Variants in EVC2 observed in about 807,000 individuals in gnomAD.
EVC2 encodes the protein limbin.
A neutral mutation model predicts 149.3 loss-of-function variants in EVC2; 148 were observed. The ratio of observed to expected loss-of-function variants is 0.99; its 90% CI spans 0.87 to 1.14. EVC2 has a LOEUF of 1.14. Ranked by LOEUF, EVC2 falls within the 50% of genes most tolerant of loss-of-function variation. EVC2 has a pLI of 0.00. For missense variants in EVC2, 1,854 were observed against 1,627.3 expected, an observed-to-expected ratio of 1.14 and a Z score of -2.40; for synonymous variants, 776 against 649.9, an observed-to-expected ratio of 1.19 and a Z score of -2.95.
chr4:5,621,569 G>T (rs1234221044), intron 14 of EVC2, among the ~76,000 whole-genome samples: 1 of 152,210 alleles, frequency 6.6e-6, no homozygotes, highest in African/African-American at 2.4e-5. Context: ...ACCACCAAAA[G>T]CTCTGTTGGT....
downstream of EVC2, among the ~76,000 whole-genome samples, chr4:5,538,063 G>GAAAAAAAA (rs34937866): frequency 8.9e-6 from 1 of 112,330 alleles, no homozygotes. Flanking sequence ...GAAAGAAATA[G>GAAAAAAAA]AAAAAAAAAA....
In EVC2 at chr4:5,640,252, T is replaced by C. The variant is rs1419032729; in HGVS notation, c.1470+262A>G. On this transcript the variant is annotated intron_variant, in intron 10 of 21. Transcript: ENST00000344408. This position sits in a 1 kb window ranked among gnomAD's most constrained non-coding sequence, Gnocchi z 4.6. ...GTGAATGAGTGGGTGGATGAATGGA[T>C]AGGTGCACAGATGATTGGATGAGTG... is the stretch of plus-strand genomic sequence containing the variant. Among the ~76,000 whole-genome samples, 1 of 151,796 alleles carries C rather than the reference T, an allele frequency of 6.6e-6. No homozygotes were observed. Among genetic ancestry groups the C allele is most frequent in the African/African-American group, 2.4e-5 (1 of 41,296 alleles).
At chr4:5,639,196 C>T (rs1477848114) in intron 10 of EVC2, among the ~76,000 whole-genome samples, 2 of 152,262 alleles carry the variant, frequency 1.3e-5, no homozygotes, top group Admixed American at 6.5e-5. Context: ...CCATAGATGG[C>T]CACAGTCTGC....
At chr4:5,533,820 A>T in the EVC2 span, among the ~76,000 whole-genome samples, 2 of 152,234 alleles carry the variant, frequency 1.3e-5, no homozygotes, top group East Asian at 3.9e-4. Context: ...ATCTGAGCTG[A>T]AACCCAAATG....
At chr4:5,675,902 C>G (rs1719953945) in intron 7 of EVC2, among the ~76,000 whole-genome samples, 1 of 152,218 alleles carries the variant, frequency 6.6e-6, no homozygotes, top group Non-Finnish European at 1.5e-5. Flanking sequence ...CGAGATCGCG[C>G]CATTGCACTT....
chr4:5,618,475 T>C lies in EVC2; in HGVS notation c.2706+3A>G, dbSNP rs1715433708. On this transcript the variant is annotated splice_donor_region_variant and intron_variant, in intron 15 of 21. Transcript: ENST00000344408. This position sits in a 1 kb window ranked among gnomAD's most constrained non-coding sequence, Gnocchi z 4.4. Reference sequence around the variant, plus strand: ...TAATCGGCCACTGACAGGTCCATCCTACCTGCAGCTCAGGGGCAGCCACGG... The same window carrying C: ...TAATCGGCCACTGACAGGTCCATCCCACCTGCAGCTCAGGGGCAGCCACGG... 3 of 1,612,682 alleles carry C rather than the reference T, an allele frequency of 1.9e-6. No homozygotes were observed. Among genetic ancestry groups the C allele is most frequent in the Non-Finnish European group, 1.7e-6 (2 of 1,180,014 alleles).
At chr4:5,703,409 G>A (rs564908001) in intron 1 of EVC2, among the ~76,000 whole-genome samples, 63 of 152,296 alleles carry the variant, frequency 4.1e-4, no homozygotes, top group Non-Finnish European at 7.9e-4. Flanking sequence ...ACTCAGGCAC[G>A]TTGAGTGCTA....
chr4:5,552,836 T>C (rs1200233686), intron 21 of EVC2, among the ~76,000 whole-genome samples: 5 of 152,112 alleles, frequency 3.3e-5, no homozygotes, highest in African/African-American at 7.2e-5. Context: ...GAACACTAGA[T>C]AGCAACAGAA....
chr4:5,580,677 A>C (rs929153786), intron 17 of EVC2, among the ~76,000 whole-genome samples: 1 of 152,198 alleles, frequency 6.6e-6, no homozygotes, highest in Non-Finnish European at 1.5e-5. Context: ...CCTCCACGCT[A>C]ATCACCTCCA....
Position 5,626,024 on chromosome 4 carries a change from T to C in EVC2, c.1887-116A>G, listed in dbSNP as rs143922023. ...AGTTTGGTTTGAATCAGAAAATCTT[T>C]ACCCTCCAGAAGAATTACAAGAATG... is the stretch of plus-strand genomic sequence containing the variant. On this transcript the variant is annotated intron_variant, in intron 12 of 21. Transcript: ENST00000344408. The C allele has an allele frequency of 8.6e-4, 1,102 of 1,276,020 alleles. 17 individuals carry two copies. In the East Asian group the frequency reaches 0.022, roughly 26 times the overall value. 79.0% of individuals were successfully genotyped at this position (1,276,020 alleles called of 1,614,324 possible). A position where few individuals can be genotyped will look rare whatever the true frequency, so the allele number is the denominator to read the frequency against.
intron 9 of EVC2, among the ~76,000 whole-genome samples, chr4:5,653,046 AC>A (rs1001967299): frequency 6.6e-6 from 1 of 151,968 alleles, no homozygotes; most frequent in African/African-American, 2.4e-5. Flanking sequence ...GTTGCCAGCA[AC>A]CCTTGGTGTT....
upstream of EVC2, chr4:5,708,696 A>G: frequency 2.1e-6 from 1 of 476,158 alleles, no homozygotes; most frequent in Non-Finnish European, 3.6e-6. Flanking sequence ...TGGGAGGGGG[A>G]GAGCGAGTTG....
rs1157580992 is a variant in EVC2 at position 5,569,666 on chromosome 4, C to G, written c.3361-1026G>C. Reference sequence around the variant, plus strand: ...AGGGGCAGGCAGGGGTGGGAGGGAACAAGTCCAGGTGCCGGAAGCCAAGGA... The same window carrying G: ...AGGGGCAGGCAGGGGTGGGAGGGAAGAAGTCCAGGTGCCGGAAGCCAAGGA... On this transcript the variant is annotated intron_variant, in intron 19 of 21. Coordinates refer to ENST00000344408, the MANE Select transcript of EVC2 (RefSeq NM_147127.5). This position sits in a 1 kb window ranked among gnomAD's most constrained non-coding sequence, Gnocchi z 4.8. 6.6e-6 allele frequency among the ~76,000 whole-genome samples: 1 copy of G among 151,948 alleles called. No homozygotes were observed. Among genetic ancestry groups the G allele is most frequent in the African/African-American group, 2.4e-5 (1 of 41,362 alleles).
At chr4:5,687,887 C>T (rs796307324) in intron 5 of EVC2, among the ~76,000 whole-genome samples, 8 of 152,212 alleles carry the variant, frequency 5.3e-5, no homozygotes, top group South Asian at 4.1e-4. Context: ...TCTATCTCTA[C>T]GACTCCACAA....
chr4:5,706,437 GATAGATAGATAC>G (rs1468464707), intron 1 of EVC2, among the ~76,000 whole-genome samples: 29 of 41,070 alleles, frequency 7.1e-4, no homozygotes, highest in Middle Eastern at 0.019. Context: ...TACATAGATA[GATAGATAGATAC>G]ATACATACAT....
chr4:5,639,282 A>G (rs4568185), intron 10 of EVC2, among the ~76,000 whole-genome samples: 151,144 of 152,346 alleles, frequency 0.99, 74,985 homozygotes, highest in Middle Eastern at 1. Context: ...GTTCAGAAGA[A>G]GATATGCAGA....
intron 3 of EVC2, among the ~76,000 whole-genome samples, chr4:5,693,574 C>T (rs563644549): frequency 7.2e-5 from 11 of 152,318 alleles, no homozygotes; most frequent in East Asian, 1.9e-4. Flanking sequence ...CCACCAGCAC[C>T]GGGCTTCCAG....
intron 9 of EVC2, among the ~76,000 whole-genome samples, chr4:5,653,090 G>A (rs1718259452): frequency 1.3e-5 from 2 of 152,132 alleles, no homozygotes; most frequent in Admixed American, 6.5e-5. Context: ...TTCAGTGTGT[G>A]CCTCTCTTCA....
At position 5,603,574 on chromosome 4, in the gene EVC2, C is replaced by T. The variant is rs889462398; in HGVS notation, c.2829+11848G>A. Among the ~76,000 whole-genome samples, 7 of 152,186 alleles carry T rather than the reference C, an allele frequency of 4.6e-5. No individual in the cohort carries two copies. The East Asian group carries it at 1.3e-3, about 29-fold the overall frequency. ...ACCATTCCTGACAAGAACCAACTACCCCTGCATAATTGCCAAGGCAGCTGC... is the reference window on the plus strand; with the variant it reads ...ACCATTCCTGACAAGAACCAACTACTCCTGCATAATTGCCAAGGCAGCTGC... On this transcript the variant is annotated intron_variant, in intron 16 of 21. Coordinates refer to ENST00000344408, the MANE Select transcript of EVC2 (RefSeq NM_147127.5).
Sources: allele counts gnomAD v4.1 joint callset (sites outside exome capture counted in the v4.1 genomes callset), GRCh38; gene constraint gnomAD v4.1.1; non-coding constraint Gnocchi (gnomAD v3.1); transcripts MANE v1.5; gene names NCBI Gene and HGNC (gene_info 2026-07-23, HGNC 2026-07-21).